The following HELZ variants were observed in gnomAD, a reference collection of about 807,000 sequenced individuals.
HELZ encodes ATP-dependent RNA helicase with zinc finger domain.
Under a neutral mutation model 218.2 loss-of-function variants are expected in HELZ, and 23 were observed. That is an observed-to-expected ratio of 0.11 (90% CI 0.08 to 0.15). The LOEUF (loss-of-function observed/expected upper bound fraction) is 0.15. HELZ is among the 10% of genes least tolerant of loss of function. HELZ has a pLI of 1.00. For missense variants in HELZ, 1,813 were observed against 2,353.7 expected (o/e 0.77, Z 4.75); for synonymous variants, 814 against 829.4 (o/e 0.98, Z 0.32).
chr17:67,126,793 G>A (rs551952679), intron 24 of HELZ, among the ~76,000 whole-genome samples: 3 of 140,900 alleles, frequency 2.1e-5, no homozygotes, highest in African/African-American at 4.9e-5. Context: ...CCCGGGAGGC[G>A]GAGGCTGCAG....
At chr17:67,152,693 G>C (rs2038722282) in intron 17 of HELZ, among the ~76,000 whole-genome samples, 1 of 151,168 alleles carries the variant, frequency 6.6e-6, no homozygotes, top group African/African-American at 2.4e-5. Flanking sequence ...GAATGCCTGG[G>C]GCAAGATAGC....
Position 67,109,301 on chromosome 17 carries a change from G to C in HELZ, c.4304C>G (p.Ala1435Gly). The C allele has an allele frequency of 6.2e-7, 1 of 1,614,138 alleles. No individual in the cohort carries two copies. The highest frequency in any genetic ancestry group is 8.5e-7 in the Non-Finnish European group (1 of 1,180,034). ...AGPNNAFFNS[A>G]VAHRPQSPPA... Reference sequence around the variant, plus strand: ...AGGAGACTGTGGCCGATGAGCAACTGCACTATTAAAAAAAGCATTGTTGGG... The same window carrying C: ...AGGAGACTGTGGCCGATGAGCAACTCCACTATTAAAAAAAGCATTGTTGGG... Residue 1435 changes from alanine (A) to glycine (G), a missense_variant, in exon 29 of 33, where the codon GCA becomes GGA. Ala to Gly is a moderately conservative substitution (Grantham distance 60). This residue lies in a region of HELZ where 938 missense variants were observed against 1,027.5 expected (regional missense o/e 0.91). Coordinates refer to ENST00000358691, the MANE Select transcript of HELZ (RefSeq NM_014877.4).
chr17:67,199,501 C>A (rs892022822), intron 7 of HELZ, among the ~76,000 whole-genome samples: 1 of 152,220 alleles, frequency 6.6e-6, no homozygotes, highest in Middle Eastern at 3.4e-3. Flanking sequence ...GCGTGAAGCA[C>A]CGCACCGGGA....
chr17:67,244,937 A>T (rs1473606121), intron 1 of HELZ: 17 of 985,956 alleles, frequency 1.7e-5, no homozygotes, highest in Non-Finnish European at 2.0e-5. Flanking sequence ...TAAGTAGGGG[A>T]AGAAGCTGTA....
intron 23 of HELZ, among the ~76,000 whole-genome samples, chr17:67,131,566 T>C (rs147169742): frequency 6.6e-6 from 1 of 152,280 alleles, no homozygotes; most frequent in East Asian, 1.9e-4. Flanking sequence ...TTTTTTTTTT[T>C]TGACACCATT....
At chr17:67,209,788 G>T (rs953486286) in intron 5 of HELZ, among the ~76,000 whole-genome samples, 1 of 152,176 alleles carries the variant, frequency 6.6e-6, no homozygotes, top group Non-Finnish European at 1.5e-5. Context: ...AAACTGCAAT[G>T]ATAATACAAT....
chr17:67,119,037 C>G (rs2037517511), intron 27 of HELZ, among the ~76,000 whole-genome samples: 1 of 152,038 alleles, frequency 6.6e-6, no homozygotes, highest in Admixed American at 6.6e-5. Context: ...TCTGGAACAA[C>G]TGGAAATCTC....
intron 23 of HELZ, among the ~76,000 whole-genome samples, chr17:67,129,941 T>C (rs940278611): frequency 6.6e-6 from 1 of 152,144 alleles, no homozygotes; most frequent in Non-Finnish European, 1.5e-5. Context: ...TCTTCCCAAG[T>C]TGGTATCCTT....
At chr17:67,086,624 AAATATAAATATATAT>A (rs2036385659) in intron 32 of HELZ, among the ~76,000 whole-genome samples, 190 bp downstream of exon 32, 4 of 48,660 alleles carry the variant, frequency 8.2e-5, no homozygotes, top group African/African-American at 3.4e-4. Context: ...AAATAAATAT[AAATATAAATATATAT>A]ATATATATAT....
chr17:67,178,566 C>CT (rs770824057), intron 13 of HELZ, 93 bp downstream of exon 13: 91 of 1,024,274 alleles, frequency 8.9e-5, no homozygotes, highest in Admixed American at 5.1e-4. Context: ...CATTTACTAC[C>CT]TGTCTTCACT....
At chr17:67,215,830 A>G (rs2040585031) in intron 5 of HELZ, 69 bp downstream of exon 5, 8 of 1,029,030 alleles carry the variant, frequency 7.8e-6, no homozygotes, top group African/African-American at 1.8e-5. Context: ...TTTTGAAATT[A>G]GCCAAAAAAA....
intron 3 of HELZ, among the ~76,000 whole-genome samples, chr17:67,234,681 A>G (rs1289047856): frequency 6.6e-6 from 1 of 152,042 alleles, no homozygotes. Context: ...TAAAAAATAA[A>G]AATAACAAAA....
chr17:67,086,402 C>T (rs1420332146), intron 32 of HELZ, among the ~76,000 whole-genome samples: 3 of 151,098 alleles, frequency 2.0e-5, no homozygotes, highest in Admixed American at 6.6e-5. Flanking sequence ...CTAGCCAACA[C>T]GGTGAAACCC....
chr17:67,213,876 A>T (rs2040520900), intron 5 of HELZ, among the ~76,000 whole-genome samples: 1 of 152,184 alleles, frequency 6.6e-6, no homozygotes, highest in Admixed American at 6.5e-5. Flanking sequence ...ATTTAGAACA[A>T]TATTCATGGT....
At chr17:67,144,541 T>C (rs531788679) in intron 21 of HELZ, among the ~76,000 whole-genome samples, 2 of 151,490 alleles carry the variant, frequency 1.3e-5, no homozygotes, top group Middle Eastern at 3.4e-3. Context: ...GGCACCTTAT[T>C]TATCCTATAG....
chr17:67,079,877 TG>T (rs1371081307), intron 32 of HELZ, among the ~76,000 whole-genome samples: 1 of 152,244 alleles, frequency 6.6e-6, no homozygotes, highest in Non-Finnish European at 1.5e-5. Flanking sequence ...ACTATTCTAT[TG>T]TTTTTTCCTA....
rs2144282602 is a variant in HELZ at position 67,188,575 on chromosome 17, A to C, written c.906T>G (p.Ala302=). 3 of 1,613,798 alleles carry C rather than the reference A, an allele frequency of 1.9e-6. No homozygotes were observed. The highest frequency in any genetic ancestry group is 3.3e-5 in the Admixed American group (2 of 60,014). Residue 302 remains alanine, a synonymous_variant, in exon 12 of 33, where the codon GCT becomes GCG. Coordinates refer to ENST00000358691, the MANE Select transcript of HELZ (RefSeq NM_014877.4). This position sits in a 1 kb window ranked among gnomAD's most constrained non-coding sequence, Gnocchi z 4.1. ...CAATGATACTAAAATGAGGACGATG[A>C]GCATCATAAAGCAATGCTACACGAT... ...MLYRVALLYD[A]HRPHFSIIAI... is the part of the protein sequence containing the mutation.
chr17:67,192,364 C>T (rs1457731085), intron 9 of HELZ, among the ~76,000 whole-genome samples: 3 of 151,774 alleles, frequency 2.0e-5, no homozygotes, highest in African/African-American at 4.8e-5. Flanking sequence ...AATGGTTCAC[C>T]GTATTTGAAA....
Position 67,244,719 on chromosome 17 carries a change from G to A in HELZ, c.-132+429C>T, listed in dbSNP as rs1021450106. The stretch of plus-strand genomic sequence containing the variant: ...CCCGGTGGAAGTCCGAGGCCTGAGG[G>A]GGGGCATCGAGCGGGGCGTGGGAGG... On this transcript the variant is annotated intron_variant, in intron 1 of 32. Transcript: ENST00000358691. 3 of 984,808 alleles carry A rather than the reference G, an allele frequency of 3.0e-6. No homozygotes were observed. In the African/African-American group the frequency reaches 5.2e-5, roughly 17 times the overall value. The allele number at this position is 984,808 out of a possible 1,614,324, so 61.0% of individuals were successfully genotyped here.
Sources: gnomAD v4.1 joint callset for allele counts (sites outside exome capture counted in the v4.1 genomes callset) on GRCh38, gnomAD v4.1.1 for gene constraint, gnomAD v4.1.1 regional missense constraint, Gnocchi (gnomAD v3.1) non-coding constraint, MANE v1.5 for transcripts, NCBI Gene and HGNC (gene_info 2026-07-23, HGNC 2026-07-21) for gene names.